CSMD2: variants seen among roughly 807,000 people sequenced by gnomAD.
CSMD2 encodes CUB and sushi domain-containing protein 2.
Under a neutral mutation model 398.5 loss-of-function variants are expected in CSMD2, and 130 were observed. That is an observed-to-expected ratio of 0.33 (90% CI 0.28 to 0.38). The LOEUF is 0.38. Ranked by LOEUF, CSMD2 falls within the 10% of genes least tolerant of loss-of-function variation. CSMD2 has a pLI of 1.00. For missense variants in CSMD2, 3,829 were observed against 4,764.9 expected (o/e 0.80, Z 5.78); for synonymous variants, 1,828 against 1,908.5 (o/e 0.96, Z 1.10).
Position 33,931,756 on chromosome 1 carries a change from T to C in CSMD2, c.712+4004A>G, listed in dbSNP as rs552446249. Among the ~76,000 whole-genome samples the C allele has an allele frequency of 4.6e-5, 7 of 152,254 alleles. No homozygotes were observed. In the South Asian group the frequency reaches 1.5e-3, roughly 32 times the overall value. ...GGCTCTTTCTGGAAGAGCCTTCTGC[T>C]CCATGCTAAGGAATCTGAACTAGAC... On this transcript the variant is annotated intron_variant, in intron 4 of 70. Coordinates refer to ENST00000373381, the MANE Select transcript of CSMD2 (RefSeq NM_001281956.2).
chr1:33,792,530 G>A lies in CSMD2; in HGVS notation c.1447-4C>T. Reference sequence around the variant, plus strand: ...CCTCAAAGGCGAGCTTGATCACCTAGGGAGGGAACACAGGGTTAGGAGCAG... The same window carrying A: ...CCTCAAAGGCGAGCTTGATCACCTAAGGAGGGAACACAGGGTTAGGAGCAG... On this transcript the variant is annotated splice_region_variant and splice_polypyrimidine_tract_variant and intron_variant, in intron 10 of 70. Transcript: ENST00000373381. The A allele has an allele frequency of 6.2e-7, 1 of 1,604,602 alleles. No individual in the cohort carries two copies. Among genetic ancestry groups the A allele is most frequent in the Non-Finnish European group, 8.5e-7 (1 of 1,171,334 alleles).
intron 13 of CSMD2, among the ~76,000 whole-genome samples, chr1:33,754,841 G>C (rs1267741342): frequency 2.6e-5 from 4 of 152,120 alleles, no homozygotes; most frequent in African/African-American, 9.7e-5. Context: ...GAAGGGCGAG[G>C]ATGGGTGTTG....
chr1:33,818,368 T>C (rs1006705261), intron 9 of CSMD2, among the ~76,000 whole-genome samples: 1 of 152,198 alleles, frequency 6.6e-6, no homozygotes, highest in Non-Finnish European at 1.5e-5. Flanking sequence ...ACAGAAGTCC[T>C]TGCCCTATAG....
At chr1:34,007,632 G>T (rs1378198972) in intron 3 of CSMD2, among the ~76,000 whole-genome samples, 2 of 152,120 alleles carry the variant, frequency 1.3e-5, no homozygotes, top group African/African-American at 4.8e-5. Flanking sequence ...GCATCCCAAT[G>T]ATTTATGTAT....
chr1:33,582,193 G>C (rs1246807262), intron 47 of CSMD2, among the ~76,000 whole-genome samples: 1 of 152,134 alleles, frequency 6.6e-6, no homozygotes, highest in South Asian at 2.1e-4. Context: ...AGAACACAGA[G>C]GCCAGGTGGA....
chr1:33,905,869 G>C (rs781749735), intron 5 of CSMD2, among the ~76,000 whole-genome samples: 15 of 152,194 alleles, frequency 9.9e-5, no homozygotes, highest in Non-Finnish European at 1.5e-4. Flanking sequence ...CATCTCATCT[G>C]CTCATCCCCG....
chr1:33,782,537 G>A (rs1249404263), intron 12 of CSMD2, among the ~76,000 whole-genome samples: 1 of 152,130 alleles, frequency 6.6e-6, no homozygotes, highest in African/African-American at 2.4e-5. Flanking sequence ...ATTATAAGCT[G>A]GGTTTGCCCA....
At chr1:33,770,371 T>G (rs1651097343) in intron 13 of CSMD2, among the ~76,000 whole-genome samples, 1 of 152,200 alleles carries the variant, frequency 6.6e-6, no homozygotes, top group Admixed American at 6.5e-5. Context: ...CATACTTTCT[T>G]ATCACCAATT....
intron 10 of CSMD2, among the ~76,000 whole-genome samples, chr1:33,794,292 T>C (rs1654685546): frequency 6.6e-6 from 1 of 152,238 alleles, no homozygotes; most frequent in Non-Finnish European, 1.5e-5. Context: ...CTCTGGATAA[T>C]AGTATCTGTG....
At chr1:33,874,925 G>A (rs1185641744) in intron 5 of CSMD2, among the ~76,000 whole-genome samples, 2 of 152,208 alleles carry the variant, frequency 1.3e-5, no homozygotes, top group African/African-American at 4.8e-5. Flanking sequence ...ATGCAGCTGC[G>A]AGTACATTTG....
At chr1:33,974,929 G>A (rs542826033) in intron 3 of CSMD2, among the ~76,000 whole-genome samples, 1 of 152,302 alleles carries the variant, frequency 6.6e-6, no homozygotes, top group Admixed American at 6.5e-5. Flanking sequence ...TAAGGCAAAT[G>A]AAGAGGGTAC....
rs1642841457 is a variant in CSMD2 at position 33,636,913 on chromosome 1, A to G, written c.4775-359T>C. Among the ~76,000 whole-genome samples, 1 of 152,134 alleles carries G rather than the reference A, an allele frequency of 6.6e-6. No individual in the cohort carries two copies. The highest frequency in any genetic ancestry group is 2.4e-5 in the African/African-American group (1 of 41,420). Reference sequence around the variant, plus strand: ...GGTGGGGGCTGACAGTCCCTGGACCACATCTCAGCTGCCGGCAGGGTCACT... The same window carrying G: ...GGTGGGGGCTGACAGTCCCTGGACCGCATCTCAGCTGCCGGCAGGGTCACT... On this transcript the variant is annotated intron_variant, in intron 29 of 70. Coordinates refer to ENST00000373381, the MANE Select transcript of CSMD2 (RefSeq NM_001281956.2). The surrounding 1 kb of genome is among the most constrained non-coding windows in gnomAD (Gnocchi z 4.8).
At chr1:34,123,004 A>T (rs1000197770) in intron 1 of CSMD2, among the ~76,000 whole-genome samples, 2 of 152,190 alleles carry the variant, frequency 1.3e-5, no homozygotes, top group East Asian at 3.9e-4. Flanking sequence ...GGTCATCCCC[A>T]TATGTAATGA....
chr1:33,766,592 C>T (rs1400639944), intron 13 of CSMD2, among the ~76,000 whole-genome samples: 2 of 152,240 alleles, frequency 1.3e-5, no homozygotes, highest in Non-Finnish European at 2.9e-5. Context: ...ACGGACCGTG[C>T]CCAATTCATC....
intron 5 of CSMD2, among the ~76,000 whole-genome samples, chr1:33,890,915 A>G (rs1641966473): frequency 6.6e-6 from 1 of 152,236 alleles, no homozygotes; most frequent in South Asian, 2.1e-4. Context: ...TTAAAGACTT[A>G]AATAAACGTT....
At chr1:34,116,234 T>G (rs1166070248) in intron 1 of CSMD2, among the ~76,000 whole-genome samples, 1 of 151,984 alleles carries the variant, frequency 6.6e-6, no homozygotes, top group African/African-American at 2.4e-5. Context: ...AGGACATACA[T>G]AAATGAAAAG....
At chr1:33,821,092 T>C (rs1018961117) in intron 7 of CSMD2, among the ~76,000 whole-genome samples, 4 of 152,190 alleles carry the variant, frequency 2.6e-5, no homozygotes, top group South Asian at 4.1e-4. Flanking sequence ...ACATTTCTTC[T>C]GAGAAACCTC....
At chr1:34,136,858 T>C (rs2148513836) in intron 1 of CSMD2, among the ~76,000 whole-genome samples, 1 of 152,308 alleles carries the variant, frequency 6.6e-6, no homozygotes, top group African/African-American at 2.4e-5. Context: ...TTCCATCATT[T>C]GTTTCATTCA....
chr1:33,730,689 G>A (rs927909563), intron 15 of CSMD2, among the ~76,000 whole-genome samples: 3 of 151,778 alleles, frequency 2.0e-5, no homozygotes, highest in African/African-American at 7.3e-5. Flanking sequence ...TTACTACTTT[G>A]GGACTCTTAG....
Sources: allele counts gnomAD v4.1 joint callset (sites outside exome capture counted in the v4.1 genomes callset), GRCh38; gene constraint gnomAD v4.1.1; non-coding constraint Gnocchi (gnomAD v3.1); transcripts MANE v1.5; gene names NCBI Gene and HGNC (gene_info 2026-07-23, HGNC 2026-07-21).